The following SLC4A4 variants were observed in gnomAD, a reference collection of about 807,000 sequenced individuals.
The protein encoded by SLC4A4 is electrogenic sodium bicarbonate cotransporter 1.
A neutral mutation model predicts 111.5 loss-of-function variants in SLC4A4; 27 were observed. That is an observed-to-expected ratio of 0.24 (90% CI 0.18 to 0.33). The LOEUF is 0.33. Among genes scored for constraint, SLC4A4 ranks in the 10% least tolerant of loss-of-function variants. The probability of loss-of-function intolerance (pLI) is 1.00; values close to 1 mark genes in which losing one functional copy is unlikely to be tolerated. For synonymous variants in SLC4A4, 443 were observed against 463.4 expected, an observed-to-expected ratio of 0.96 and a Z score of 0.57; for missense variants, 909 against 1,315.5, an observed-to-expected ratio of 0.69 and a Z score of 4.78.
chr4:71,272,603 C>A (rs956013734), intron 3 of SLC4A4, among the ~76,000 whole-genome samples: 1 of 152,130 alleles, frequency 6.6e-6, no homozygotes, highest in Non-Finnish European at 1.5e-5. Flanking sequence ...GAGATGACTG[C>A]AGGAGGACCT....
chr4:71,153,054 A>ATATATATATATATAT lies in SLC4A4; in HGVS notation c.-2+60262_-2+60263insTATATATATATATAT, dbSNP rs528058780. ...GTGTGTATATATATATATATATATA[A>ATATATATATATATAT]AAATAAAAGGAAGTTTATTAAGTAT... On this transcript the variant is annotated intron_variant, in intron 2 of 26. Coordinates refer to the SLC4A4 transcript ENST00000649996. Among the ~76,000 whole-genome samples, 149 of 140,884 alleles carry ATATATATATATATAT rather than the reference A, an allele frequency of 1.1e-3. 1 individual carries two copies. Among genetic ancestry groups the ATATATATATATATAT allele is most frequent in the Middle Eastern group, 3.6e-3 (1 of 276 alleles). The allele number at this position is 140,884 out of a possible 152,430, so 92.4% of individuals were successfully genotyped here.
chr4:71,241,457 ATGAT>A (rs983112548), intron 2 of SLC4A4, among the ~76,000 whole-genome samples: 4 of 152,174 alleles, frequency 2.6e-5, no homozygotes, highest in African/African-American at 7.2e-5. Flanking sequence ...GCTAGAGGAT[ATGAT>A]GATCATCTAC....
At chr4:71,344,732 AT>A (rs1206000226) in intron 4 of SLC4A4, among the ~76,000 whole-genome samples, 1 of 152,084 alleles carries the variant, frequency 6.6e-6, no homozygotes, top group Admixed American at 6.6e-5. Context: ...TTTCTTACAT[AT>A]TATTGAGATG....
chr4:71,115,411 C>G (rs534470798), intron 2 of SLC4A4, among the ~76,000 whole-genome samples: 10 of 151,754 alleles, frequency 6.6e-5, no homozygotes, highest in Non-Finnish European at 1.3e-4. Context: ...AAAGAGCAAA[C>G]AAAACAAAAC....
At chr4:71,191,633 G>T (rs956031279) in intron 1 of SLC4A4, among the ~76,000 whole-genome samples, 1 of 152,190 alleles carries the variant, frequency 6.6e-6, no homozygotes, top group African/African-American at 2.4e-5. Context: ...CTCAGTAGCA[G>T]TGCCCACTTG....
intron 20 of SLC4A4, among the ~76,000 whole-genome samples, chr4:71,549,491 A>C (rs1198768156): frequency 6.6e-6 from 1 of 151,924 alleles, no homozygotes; most frequent in Non-Finnish European, 1.5e-5. Flanking sequence ...CTTTGTGCTC[A>C]GTCACTAGTG....
chr4:71,435,950 A>G (rs746849071), intron 7 of SLC4A4, among the ~76,000 whole-genome samples: 10 of 152,214 alleles, frequency 6.6e-5, no homozygotes, highest in Admixed American at 6.5e-5. Flanking sequence ...ATGCTTTTAC[A>G]CTGTTGGTGA....
intron 24 of SLC4A4, among the ~76,000 whole-genome samples, chr4:71,564,090 A>G (rs1737244547): frequency 2.0e-5 from 3 of 151,780 alleles, no homozygotes; most frequent in Admixed American, 2.0e-4. Context: ...AAACTTTTAA[A>G]TTTTTATTTG....
intron 6 of SLC4A4, among the ~76,000 whole-genome samples, chr4:71,358,514 A>G (rs73826289): frequency 1.3e-5 from 2 of 152,250 alleles, no homozygotes; most frequent in Admixed American, 6.5e-5. Context: ...AAAACACTAC[A>G]AGCAGATTTT....
intron 12 of SLC4A4, among the ~76,000 whole-genome samples, chr4:71,460,359 G>A (rs570836182): frequency 6.6e-6 from 1 of 151,994 alleles, no homozygotes; most frequent in Non-Finnish European, 1.5e-5. Flanking sequence ...ATCCAGATAC[G>A]TATTCACAGC....
At chr4:71,502,513 G>A (rs577308921) in intron 16 of SLC4A4, among the ~76,000 whole-genome samples, 45 of 152,040 alleles carry the variant, frequency 3.0e-4, no homozygotes, top group Non-Finnish European at 5.4e-4. Context: ...ATGGGTTTTG[G>A]TATGATATAT....
chr4:71,312,314 C>T (rs79093972), intron 3 of SLC4A4, among the ~76,000 whole-genome samples: 12,258 of 152,104 alleles, frequency 0.081, 926 homozygotes, highest in East Asian at 0.3. Context: ...CAGGACCTGA[C>T]GGATTCACAG....
chr4:71,299,212 A>ATT (rs1452113409), intron 3 of SLC4A4, among the ~76,000 whole-genome samples: 3 of 152,154 alleles, frequency 2.0e-5, no homozygotes, highest in Non-Finnish European at 4.4e-5. Flanking sequence ...CAGTCTTTCT[A>ATT]TTGTTTAGGC....
chr4:71,267,468 A>G (rs892523395), intron 3 of SLC4A4, among the ~76,000 whole-genome samples: 4 of 152,324 alleles, frequency 2.6e-5, no homozygotes, highest in East Asian at 1.9e-4. Context: ...AAGGCAGGCC[A>G]TCAACACTGA....
intron 16 of SLC4A4, among the ~76,000 whole-genome samples, chr4:71,524,493 C>G (rs1423524139): frequency 6.6e-6 from 1 of 152,156 alleles, no homozygotes; most frequent in Non-Finnish European, 1.5e-5. Flanking sequence ...CAGTTCATCT[C>G]TCTTCTTTGC....
intron 2 of SLC4A4, among the ~76,000 whole-genome samples, chr4:71,119,956 TTC>T (rs2148955809): frequency 6.6e-6 from 1 of 152,338 alleles, no homozygotes; most frequent in East Asian, 1.9e-4. Context: ...TAGAAGTTGT[TTC>T]TTTCAAATTT....
chr4:71,348,244 T>G (rs1553895386), intron 4 of SLC4A4, among the ~76,000 whole-genome samples: 1 of 149,252 alleles, frequency 6.7e-6, no homozygotes, highest in African/African-American at 2.6e-5. Flanking sequence ...AAAATTGTCG[T>G]TTTTTTTCTC....
chr4:71,275,727 C>T (rs1723021608), intron 3 of SLC4A4, among the ~76,000 whole-genome samples: 1 of 152,224 alleles, frequency 6.6e-6, no homozygotes, highest in South Asian at 2.1e-4. Context: ...GGCCTTCGGC[C>T]CTCAAGCAAA....
chr4:71,323,540 A>G (rs1727277944), intron 3 of SLC4A4, among the ~76,000 whole-genome samples: 1 of 152,054 alleles, frequency 6.6e-6, no homozygotes, highest in Non-Finnish European at 1.5e-5. Flanking sequence ...GGCACTGGGT[A>G]CCTTGTAATT....
Sources: gnomAD v4.1 joint callset for allele counts (sites outside exome capture counted in the v4.1 genomes callset) on GRCh38, gnomAD v4.1.1 for gene constraint, MANE v1.5 for transcripts, NCBI Gene and HGNC (gene_info 2026-07-23, HGNC 2026-07-21) for gene names.